Variants in ADAMTSL1 observed in about 807,000 individuals in gnomAD.
The protein encoded by ADAMTSL1 is ADAMTS like 1.
Under a neutral mutation model 201.8 loss-of-function variants are expected in ADAMTSL1, and 126 were observed. The observed-to-expected ratio is 0.62, with a 90% CI of 0.54 to 0.72. ADAMTSL1 has a LOEUF of 0.72. Ranked by LOEUF, ADAMTSL1 falls within the 30% of genes least tolerant of loss-of-function variation. The pLI, the probability that ADAMTSL1 is intolerant of heterozygous loss-of-function variation, is 0.00. For missense variants in ADAMTSL1, 2,679 were observed against 2,277.8 expected, an observed-to-expected ratio of 1.18 and a Z score of -3.59; for synonymous variants, 1,121 against 903.4, an observed-to-expected ratio of 1.24 and a Z score of -4.32.
chr9:18,556,592 A>G (rs952702698), intron 3 of ADAMTSL1, among the ~76,000 whole-genome samples: 1 of 152,002 alleles, frequency 6.6e-6, no homozygotes, highest in African/African-American at 2.4e-5. Flanking sequence ...CTCAAAGGAC[A>G]ATCTAAAAGC....
At chr9:18,168,223 C>T (rs983256914) in intron 2 of ADAMTSL1, among the ~76,000 whole-genome samples, 1 of 151,980 alleles carries the variant, frequency 6.6e-6, no homozygotes, top group Non-Finnish European at 1.5e-5. Flanking sequence ...ATTAACTCAT[C>T]ATTTAGCATT....
chr9:18,303,088 G>C lies in ADAMTSL1; in HGVS notation c.207+139107G>C, dbSNP rs1183802776. Among the ~76,000 whole-genome samples, 4 of 152,166 alleles carry C rather than the reference G, an allele frequency of 2.6e-5. 1 individual carries two copies. On this transcript the variant is annotated intron_variant, in intron 2 of 29. Transcript: ENST00000680146. ...TAAATAATCGAAAAGATAGAGTATG[G>C]AAAGTGTCTAGCATTGTCTGGTTAG...
chr9:18,740,123 C>T (rs909257411), intron 15 of ADAMTSL1, among the ~76,000 whole-genome samples: 4 of 152,148 alleles, frequency 2.6e-5, no homozygotes, highest in African/African-American at 9.7e-5. Flanking sequence ...GGGTTGAGGG[C>T]CTACTTGAAG....
intron 20 of ADAMTSL1, among the ~76,000 whole-genome samples, chr9:18,815,709 C>G (rs1179759535): frequency 1.6e-5 from 1 of 63,710 alleles, no homozygotes; most frequent in African/African-American, 6.2e-5. Context: ...CCAACCCTGT[C>G]TCAAAAAAAA....
At chr9:18,877,049 G>T (rs1385129459) in intron 23 of ADAMTSL1, among the ~76,000 whole-genome samples, 1 of 152,012 alleles carries the variant, frequency 6.6e-6, no homozygotes, top group African/African-American at 2.4e-5. Flanking sequence ...AGACTTTCCT[G>T]TGTATTTTGC....
intron 1 of ADAMTSL1, among the ~76,000 whole-genome samples, chr9:17,957,112 A>C (rs1827962727): frequency 6.6e-6 from 1 of 152,192 alleles, no homozygotes; most frequent in Non-Finnish European, 1.5e-5. Flanking sequence ...TAAATAAGAA[A>C]ACTGATATTA....
In ADAMTSL1 at chr9:18,776,908, G is replaced by T. The variant is rs369204296; in HGVS notation, c.2679G>T (p.Thr893=). Residue 893 remains threonine (T), a synonymous_variant, in exon 19 of 29, where the codon ACG becomes ACT. Coordinates refer to ENST00000380548, the MANE Select transcript of ADAMTSL1 (RefSeq NM_001040272.6). ...GCTTCGCCTACCTGCTCCCCAAGAC[G>T]GCGGTGGTGCTGCGCTGCCCGGCGC... The part of the protein sequence containing the change: ...VGGFAYLLPK[T]AVVLRCPARR... 1.2e-5 allele frequency: 19 copies of T among 1,609,654 alleles called. No homozygotes were observed. Among genetic ancestry groups the T allele is most frequent in the East Asian group, 4.5e-5 (2 of 44,836 alleles).
At chr9:18,824,197 G>A (rs916738752) in intron 21 of ADAMTSL1, among the ~76,000 whole-genome samples, 1 of 151,200 alleles carries the variant, frequency 6.6e-6, no homozygotes, top group African/African-American at 2.4e-5. Context: ...TTTTTAAATG[G>A]GAAAAAAACT....
At chr9:18,464,705 A>G (rs1045387485) in intron 2 of ADAMTSL1, among the ~76,000 whole-genome samples, 1 of 152,234 alleles carries the variant, frequency 6.6e-6, no homozygotes, top group Non-Finnish European at 1.5e-5. Context: ...TTTCCTTTTC[A>G]TAATTACAGT....
chr9:18,675,244 G>A (rs752463704), intron 9 of ADAMTSL1, among the ~76,000 whole-genome samples: 13 of 152,194 alleles, frequency 8.5e-5, no homozygotes, highest in Middle Eastern at 6.8e-3. Flanking sequence ...ATTTTGGTAG[G>A]AAATTTGCCT....
intron 1 of ADAMTSL1, among the ~76,000 whole-genome samples, chr9:18,053,748 G>A (rs185570321): frequency 8.8e-4 from 134 of 152,214 alleles, no homozygotes; most frequent in African/African-American, 3.0e-3. Flanking sequence ...ACCAGGCTCC[G>A]AGTTTACTGA....
intron 1 of ADAMTSL1, among the ~76,000 whole-genome samples, chr9:17,936,457 A>G (rs994568082): frequency 3.3e-5 from 5 of 152,318 alleles, no homozygotes; most frequent in African/African-American, 4.8e-5. Flanking sequence ...GAGAAGAAAC[A>G]CAGGCTGGGT....
At chr9:18,240,581 G>A (rs747128530) in intron 2 of ADAMTSL1, among the ~76,000 whole-genome samples, 4 of 152,112 alleles carry the variant, frequency 2.6e-5, no homozygotes, top group Non-Finnish European at 5.9e-5. Flanking sequence ...GTCCTTCGAA[G>A]CAAAGAACTG....
At chr9:18,715,871 A>T in intron 14 of ADAMTSL1, among the ~76,000 whole-genome samples, 1 of 151,856 alleles carries the variant, frequency 6.6e-6, no homozygotes, top group South Asian at 2.1e-4. Context: ...ACAGCATGGT[A>T]CTGGTACCAA....
intron 2 of ADAMTSL1, among the ~76,000 whole-genome samples, chr9:18,313,529 C>G (rs1231235117): frequency 6.6e-6 from 1 of 152,118 alleles, no homozygotes; most frequent in Non-Finnish European, 1.5e-5. Flanking sequence ...TCAAATGAAG[C>G]CTGGCATCTG....
intron 1 of ADAMTSL1, among the ~76,000 whole-genome samples, chr9:18,088,997 A>G (rs530597994): frequency 3.7e-4 from 57 of 152,302 alleles, no homozygotes; most frequent in African/African-American, 1.2e-3. Context: ...ATGTCTATCA[A>G]CAGATGAATG....
chr9:18,870,999 C>G (rs920823788), intron 23 of ADAMTSL1, among the ~76,000 whole-genome samples: 3 of 152,084 alleles, frequency 2.0e-5, no homozygotes, highest in Non-Finnish European at 2.9e-5. Flanking sequence ...TTCTTAATAA[C>G]CCAGTTGTTA....
chr9:17,999,605 CTT>C (rs71492929), intron 1 of ADAMTSL1, among the ~76,000 whole-genome samples: 2 of 147,490 alleles, frequency 1.4e-5, no homozygotes, highest in African/African-American at 5.0e-5. Context: ...TTTTCAGACA[CTT>C]TTTTTTTTTA....
rs1395531144 is a variant in ADAMTSL1, at chr9:18,776,854, G to A, written c.2625G>A (p.Arg875=). 1 of 1,606,904 alleles carries A rather than the reference G, an allele frequency of 6.2e-7. No individual in the cohort carries two copies. Among genetic ancestry groups the A allele is most frequent in the Non-Finnish European group, 8.5e-7 (1 of 1,177,210 alleles). The part of the protein sequence containing the change: ...AARKVYIQTR[R]QRKLHFVVGG... ...GGAAGGTCTACATACAGACTCGCAG[G>A]CAGAGGAAGCTGCACTTCGTGGTGG... Residue 875 remains arginine (R), a synonymous_variant, in exon 19 of 29, where the codon AGG becomes AGA. Transcript: ENST00000380548.
Sources: gnomAD v4.1 joint callset for allele counts (sites outside exome capture counted in the v4.1 genomes callset) on GRCh38, gnomAD v4.1.1 for gene constraint, MANE v1.5 for transcripts, NCBI Gene and HGNC (gene_info 2026-07-23, HGNC 2026-07-21) for gene names.